The following ZNF385D variants were observed in gnomAD, a reference collection of about 807,000 sequenced individuals.
The protein encoded by ZNF385D is zinc finger protein 385D, also known as zinc finger protein 659.
In ZNF385D, 15 loss-of-function variants were observed where a neutral mutation model predicts 35.8. The observed-to-expected ratio is 0.42, with a 90% CI of 0.28 to 0.64. The LOEUF is 0.64. ZNF385D is among the 30% of genes least tolerant of loss of function. The probability of loss-of-function intolerance (pLI) is 0.23; values close to 1 mark genes in which losing one functional copy is unlikely to be tolerated. For synonymous variants in ZNF385D, 212 were observed against 186.8 expected, an observed-to-expected ratio of 1.13 and a Z score of -1.10; for missense variants, 474 against 494.6, an observed-to-expected ratio of 0.96 and a Z score of 0.39.
intron 3 of ZNF385D, among the ~76,000 whole-genome samples, chr3:21,534,413 A>C (rs188685425): frequency 6.6e-6 from 1 of 151,998 alleles, no homozygotes; most frequent in East Asian, 1.9e-4. Flanking sequence ...ACACACACAC[A>C]CCCCAAATAC....
chr3:21,595,981 A>T (rs1451803311), intron 2 of ZNF385D, among the ~76,000 whole-genome samples: 1 of 152,238 alleles, frequency 6.6e-6, no homozygotes, highest in African/African-American at 2.4e-5. Flanking sequence ...AAGTCTCTTT[A>T]ATCTAGAAGC....
chr3:22,103,435 C>T (rs1702044400), intron 3 of ZNF385D, among the ~76,000 whole-genome samples: 1 of 152,066 alleles, frequency 6.6e-6, no homozygotes, highest in Admixed American at 6.6e-5. Flanking sequence ...CTCCATGCTA[C>T]CCCAGGATGC....
chr3:22,265,614 T>A (rs1700859658), intron 2 of ZNF385D, among the ~76,000 whole-genome samples: 1 of 152,032 alleles, frequency 6.6e-6, no homozygotes, highest in Admixed American at 6.6e-5. Context: ...GGAAGGACTA[T>A]GACACAAGGT....
Position 22,104,061 on chromosome 3 carries a change from G to A in ZNF385D, c.325+64756C>T, listed in dbSNP as rs560427855. Among the ~76,000 whole-genome samples, 28 of 152,238 alleles carry A rather than the reference G, an allele frequency of 1.8e-4. No individual in the cohort carries two copies. In the South Asian group the frequency reaches 2.1e-3, roughly 11 times the overall value. ...AAAAATAATTTGCCAGCCTTGGGGA[G>A]TGAGGGACGTATGTGAGAACTTGTT... On this transcript the variant is annotated intron_variant, in intron 3 of 5. Coordinates refer to the ZNF385D transcript ENST00000494108.
chr3:21,596,166 A>G (rs1435893922), intron 2 of ZNF385D, among the ~76,000 whole-genome samples: 1 of 152,198 alleles, frequency 6.6e-6, no homozygotes, highest in Non-Finnish European at 1.5e-5. Flanking sequence ...AGTTATCCAA[A>G]GTTTGTCAGC....
chr3:22,114,890 C>T (rs1033810848), intron 3 of ZNF385D, among the ~76,000 whole-genome samples: 3 of 152,020 alleles, frequency 2.0e-5, no homozygotes, highest in Non-Finnish European at 4.4e-5. Context: ...GGGCATCTGG[C>T]AGCCCTTTGC....
intron 2 of ZNF385D, among the ~76,000 whole-genome samples, chr3:22,204,979 C>CAAA (rs761954306): frequency 0.014 from 1,287 of 92,884 alleles, 7 homozygotes; most frequent in South Asian, 0.028. Flanking sequence ...TGACCAAATC[C>CAAA]AAAAAAAAAA....
At chr3:21,772,451 T>C (rs1007932006) in intron 3 of ZNF385D, among the ~76,000 whole-genome samples, 13 of 151,830 alleles carry the variant, frequency 8.6e-5, no homozygotes, top group African/African-American at 2.7e-4. Flanking sequence ...AAAGATAATA[T>C]GCAAATGGTG....
intron 4 of ZNF385D, among the ~76,000 whole-genome samples, chr3:21,476,423 A>T (rs957807560): frequency 6.6e-5 from 10 of 152,034 alleles, no homozygotes; most frequent in African/African-American, 2.4e-4. Context: ...TAAAAATTAG[A>T]CCTGATCCAA....
upstream of ZNF385D, among the ~76,000 whole-genome samples, chr3:21,756,195 T>C (rs2070332262): frequency 6.6e-6 from 1 of 152,140 alleles, no homozygotes; most frequent in Non-Finnish European, 1.5e-5. Context: ...GAACATGGCT[T>C]GGACCAGGGA....
rs1325253809 is a variant in ZNF385D, at chr3:21,570,371, G to A, written c.166-5687C>T. 2.6e-5 allele frequency among the ~76,000 whole-genome samples: 4 copies of A among 152,126 alleles called. No homozygotes were observed. In the South Asian group the frequency reaches 6.2e-4, roughly 24 times the overall value. On this transcript the variant is annotated intron_variant, in intron 2 of 7. Transcript: ENST00000281523. ...GGGACATGCTTCAAGTACAGCAGCC[G>A]CAGCTCAAGGTTCCCTTCTCTAGGA...
intron 3 of ZNF385D, among the ~76,000 whole-genome samples, chr3:21,950,498 G>A (rs4610243): frequency 0.26 from 39,816 of 151,414 alleles, 6,302 homozygotes; most frequent in Admixed American, 0.41. Flanking sequence ...CCATTCTGTA[G>A]GTTGCCTGTT....
intron 3 of ZNF385D, among the ~76,000 whole-genome samples, chr3:21,517,456 T>TG (rs1424205114): frequency 6.6e-6 from 1 of 152,214 alleles, no homozygotes; most frequent in East Asian, 1.9e-4. Context: ...AGCAATGTGT[T>TG]GGTTTCCTGA....
At chr3:21,974,370 T>G (rs1031274218) in intron 3 of ZNF385D, among the ~76,000 whole-genome samples, 1 of 151,990 alleles carries the variant, frequency 6.6e-6, no homozygotes, top group African/African-American at 2.4e-5. Context: ...TAGATATGCA[T>G]ATACAAAAGA....
intron 1 of ZNF385D, among the ~76,000 whole-genome samples, chr3:21,715,275 T>C (rs1237907507): frequency 1.3e-5 from 2 of 152,140 alleles, no homozygotes; most frequent in East Asian, 1.9e-4. Context: ...TTCCATTGTC[T>C]ATCATTCCAC....
intron 7 of ZNF385D, among the ~76,000 whole-genome samples, chr3:21,422,828 G>A (rs1416519830): frequency 6.6e-6 from 1 of 152,050 alleles, no homozygotes; most frequent in Non-Finnish European, 1.5e-5. Context: ...TGTAATGAGG[G>A]AACACATCTC....
At chr3:21,583,400 C>T (rs2063721473) in intron 2 of ZNF385D, among the ~76,000 whole-genome samples, 1 of 152,146 alleles carries the variant, frequency 6.6e-6, no homozygotes. Flanking sequence ...AATACCTTTT[C>T]TAGTTTTAAA....
Position 22,100,757 on chromosome 3 carries a change from G to A in ZNF385D, c.325+68060C>T, listed in dbSNP as rs576886495. ...TAGATGACGAGTTAGTGGGTGTAGCGCACCAGCATGGCACATGTATACATA... is the reference window on the plus strand; with the variant it reads ...TAGATGACGAGTTAGTGGGTGTAGCACACCAGCATGGCACATGTATACATA... On this transcript the variant is annotated intron_variant, in intron 3 of 5. Coordinates refer to the ZNF385D transcript ENST00000494108. Among the ~76,000 whole-genome samples, 16 of 151,490 alleles carry A rather than the reference G, an allele frequency of 1.1e-4. No homozygotes were observed. The South Asian group carries it at 1.5e-3, about 14-fold the overall frequency.
At chr3:21,860,368 C>T (rs1696981071) in intron 3 of ZNF385D, among the ~76,000 whole-genome samples, 1 of 152,098 alleles carries the variant, frequency 6.6e-6, no homozygotes, top group Non-Finnish European at 1.5e-5. Flanking sequence ...AAGATTTGGT[C>T]TCAGGCAGTA....
Sources: allele counts gnomAD v4.1 joint callset (sites outside exome capture counted in the v4.1 genomes callset), GRCh38; gene constraint gnomAD v4.1.1; transcripts MANE v1.5; gene names NCBI Gene and HGNC (gene_info 2026-07-23, HGNC 2026-07-21).